Variants in NTM observed in about 807,000 individuals in gnomAD.
NTM encodes the protein neurotrimin.
Under a neutral mutation model 42.1 loss-of-function variants are expected in NTM, and 13 were observed. The ratio of observed to expected loss-of-function variants is 0.31; its 90% CI spans 0.20 to 0.49. The LOEUF (loss-of-function observed/expected upper bound fraction) is 0.49, where lower values mean the gene tolerates loss of function less well. Among genes scored for constraint, NTM ranks in the 20% least tolerant of loss-of-function variants. The pLI, the probability that NTM is intolerant of heterozygous loss-of-function variation, is 0.99. For missense variants in NTM, 373 were observed against 452.8 expected (o/e 0.82, Z 1.60); for synonymous variants, 187 against 179.2 (o/e 1.04, Z -0.35).
intron 1 of NTM, among the ~76,000 whole-genome samples, chr11:131,715,671 G>A (rs770051349): frequency 9.2e-5 from 14 of 151,912 alleles, no homozygotes; most frequent in Non-Finnish European, 2.1e-4. Flanking sequence ...CCCTCCCCCA[G>A]CTTCAGGAAA....
chr11:132,199,473 G>C (rs1213383926), intron 3 of NTM, among the ~76,000 whole-genome samples: 1 of 152,184 alleles, frequency 6.6e-6, no homozygotes. Context: ...ATCTTTTACA[G>C]TTCTCAATAG....
chr11:132,281,287 A>C (rs1234573227), intron 4 of NTM, among the ~76,000 whole-genome samples: 2 of 152,242 alleles, frequency 1.3e-5, no homozygotes, highest in Non-Finnish European at 2.9e-5. Context: ...TGAAGGTTTC[A>C]GGAGTTTTCT....
intron 7 of NTM, among the ~76,000 whole-genome samples, chr11:132,317,289 G>A (rs1018691804): frequency 5.3e-5 from 8 of 152,014 alleles, no homozygotes; most frequent in African/African-American, 9.6e-5. Context: ...AAGATGAAAC[G>A]ATGGGGGTGG....
chr11:131,849,798 A>G (rs1422504863), intron 1 of NTM, among the ~76,000 whole-genome samples: 2 of 136,392 alleles, frequency 1.5e-5, no homozygotes, highest in Non-Finnish European at 3.1e-5. Context: ...AGGAAGGGGA[A>G]CATCACACAC....
At chr11:132,110,199 A>G (rs889883943) in intron 2 of NTM, among the ~76,000 whole-genome samples, 3 of 152,220 alleles carry the variant, frequency 2.0e-5, no homozygotes, top group African/African-American at 7.2e-5. Context: ...TTTGTGTGCT[A>G]TACCCCAGTG....
chr11:131,498,446 A>G (rs145541987), intron 1 of NTM, among the ~76,000 whole-genome samples: 28 of 152,258 alleles, frequency 1.8e-4, no homozygotes, highest in Non-Finnish European at 3.7e-4. Context: ...TTTTTTTATT[A>G]TGATGGTTAG....
chr11:131,636,792 A>G (rs554967672), intron 1 of NTM, among the ~76,000 whole-genome samples: 61 of 152,308 alleles, frequency 4.0e-4, no homozygotes, highest in African/African-American at 1.5e-3. Context: ...TAGAGATTAT[A>G]ACACCTTTCA....
At chr11:131,922,116 T>G (rs2057312680) in intron 2 of NTM, 1 of 152,624 alleles carries the variant, frequency 6.6e-6, no homozygotes, top group South Asian at 2.1e-4. Context: ...TTATTTCCAC[T>G]CCTGGAGTCC....
intron 7 of NTM, among the ~76,000 whole-genome samples, chr11:132,326,525 C>G (rs963548761): frequency 6.6e-6 from 1 of 152,218 alleles, no homozygotes. Flanking sequence ...GGGCTGCTCA[C>G]TTCTCTCCTG....
At chr11:131,691,443 G>A (rs1270007068) in intron 1 of NTM, among the ~76,000 whole-genome samples, 1 of 152,150 alleles carries the variant, frequency 6.6e-6, no homozygotes, top group Non-Finnish European at 1.5e-5. Context: ...CAGGCTGGCC[G>A]AGCCGAGAGC....
chr11:132,007,720 C>G (rs1171129049), intron 2 of NTM, among the ~76,000 whole-genome samples: 4 of 152,150 alleles, frequency 2.6e-5, no homozygotes, highest in Non-Finnish European at 4.4e-5. Context: ...GTTTGTGTAT[C>G]AGGTTTTATG....
At chr11:131,507,773 A>G (rs1173157562) in intron 1 of NTM, among the ~76,000 whole-genome samples, 46 of 147,370 alleles carry the variant, frequency 3.1e-4, no homozygotes, top group Middle Eastern at 6.9e-3. Flanking sequence ...GGTCCTTCAC[A>G]TCCCTTGTAA....
intron 1 of NTM, among the ~76,000 whole-genome samples, chr11:131,808,716 C>G (rs1318588099): frequency 6.6e-6 from 1 of 151,952 alleles, no homozygotes; most frequent in African/African-American, 2.4e-5. Flanking sequence ...GGAGACAGCA[C>G]GTGCAAAGCT....
At chr11:131,614,788 A>G (rs2061764702) in intron 1 of NTM, among the ~76,000 whole-genome samples, 2 of 152,220 alleles carry the variant, frequency 1.3e-5, no homozygotes, top group Non-Finnish European at 2.9e-5. Flanking sequence ...GTCCATCAAG[A>G]CTATGAAATT....
intron 4 of NTM, among the ~76,000 whole-genome samples, chr11:132,217,534 G>T (rs1319911231): frequency 6.6e-6 from 1 of 151,924 alleles, no homozygotes; most frequent in African/African-American, 2.4e-5. Flanking sequence ...GTGATATAAA[G>T]ACCCTGGGGG....
intron 6 of NTM, among the ~76,000 whole-genome samples, chr11:132,313,207 T>A (rs1279959842): frequency 6.6e-6 from 1 of 152,096 alleles, no homozygotes; most frequent in Non-Finnish European, 1.5e-5. Context: ...GCAAGAGTCA[T>A]CTATGTCTAA....
At chr11:131,678,727 G>A (rs1374595689) in intron 1 of NTM, among the ~76,000 whole-genome samples, 1 of 152,116 alleles carries the variant, frequency 6.6e-6, no homozygotes, top group East Asian at 1.9e-4. Context: ...TTCCACCTTG[G>A]GGAAGAGGTT....
At chr11:132,135,765 G>A (rs2067781905) in intron 2 of NTM, among the ~76,000 whole-genome samples, 1 of 152,198 alleles carries the variant, frequency 6.6e-6, no homozygotes, top group Non-Finnish European at 1.5e-5. Context: ...GGGGCCGAGG[G>A]GCCTGGGCTG....
chr11:131,378,984 C>T (rs751422086), intron 1 of NTM, among the ~76,000 whole-genome samples: 22 of 152,218 alleles, frequency 1.4e-4, no homozygotes, highest in Middle Eastern at 3.4e-3. Flanking sequence ...TGGTGTATGC[C>T]GGAGTGAAAA....
Sources: allele counts gnomAD v4.1 joint callset (sites outside exome capture counted in the v4.1 genomes callset), GRCh38; gene constraint gnomAD v4.1.1; transcripts MANE v1.5; gene names NCBI Gene and HGNC (gene_info 2026-07-23, HGNC 2026-07-21).